HHIP: variants seen among roughly 807,000 people sequenced by gnomAD.
HHIP encodes hedgehog-interacting protein.
Under a neutral mutation model 74.0 loss-of-function variants are expected in HHIP, and 12 were observed. That is an observed-to-expected ratio of 0.16 (90% CI 0.10 to 0.26). HHIP has a LOEUF of 0.26. Ranked by LOEUF, HHIP falls within the 10% of genes least tolerant of loss-of-function variation. The pLI is 1.00. For synonymous variants in HHIP, 309 were observed against 311.6 expected (o/e 0.99, Z 0.09); for missense variants, 788 against 845.0 (o/e 0.93, Z 0.84).
At chr4:144,660,582 A>G (rs185624248) in intron 4 of HHIP, among the ~76,000 whole-genome samples, 5 of 152,066 alleles carry the variant, frequency 3.3e-5, no homozygotes, top group African/African-American at 9.6e-5. Flanking sequence ...TCATTTCTTA[A>G]CTGAAAAAAA....
chr4:144,668,339 G>A (rs184646769), intron 4 of HHIP, among the ~76,000 whole-genome samples: 51 of 151,234 alleles, frequency 3.4e-4, no homozygotes, highest in Non-Finnish European at 5.2e-4. Context: ...AAGCAGATCA[G>A]TAAAATGTGC....
At chr4:144,703,490 A>G (rs1730046656) in intron 4 of HHIP, among the ~76,000 whole-genome samples, 1 of 152,140 alleles carries the variant, frequency 6.6e-6, no homozygotes, top group Non-Finnish European at 1.5e-5. Flanking sequence ...GTAGGATGAG[A>G]AGGGGTTAGA....
At position 144,715,404 on chromosome 4, in the gene HHIP, T is replaced by A. The variant is rs775531071; in HGVS notation, c.1652T>A (p.Ile551Asn). ...TGTAGAGGCTACTTTTCCGGTCACA[T>A]CTTGGGATTTGGAGAAGATGAACTA... ...GSCRGYFSGHILGFGEDELGE... is the reference protein window; with the variant it reads ...GSCRGYFSGHNLGFGEDELGE... The change falls in exon 10 of 13, where the codon ATC becomes AAC. Residue 551 changes from isoleucine to asparagine, a missense_variant. Ile to Asn is a moderately radical substitution (Grantham distance 149). This residue lies in a region of HHIP where 343 missense variants were observed against 347.9 expected (regional missense o/e 0.99). Transcript: ENST00000296575. 23 of 1,613,450 alleles carry A rather than the reference T, an allele frequency of 1.4e-5. No individual in the cohort carries two copies. In the Admixed American group the frequency reaches 3.2e-4, roughly 22 times the overall value.
At chr4:144,672,561 G>A (rs1433035992) in intron 4 of HHIP, among the ~76,000 whole-genome samples, 2 of 152,134 alleles carry the variant, frequency 1.3e-5, no homozygotes, top group Admixed American at 1.3e-4. Context: ...GTTGGTGGGA[G>A]CATGAAGTAT....
rs181914176 is a variant in HHIP at position 144,694,016 on chromosome 4, G to C, written c.832-12515G>C. On this transcript the variant is annotated intron_variant, in intron 4 of 12. Transcript: ENST00000296575. ...TTTTCATATTAAAAATGAATGTTTA[G>C]ATTGTTCATATTGTAGTGTTTTAAT... Among the ~76,000 whole-genome samples, 6 of 151,936 alleles carry C rather than the reference G, an allele frequency of 3.9e-5. No homozygotes were observed. The East Asian group carries it at 1.2e-3, about 29-fold the overall frequency.
intron 4 of HHIP, among the ~76,000 whole-genome samples, chr4:144,676,940 G>A (rs1053277616): frequency 6.6e-6 from 1 of 152,196 alleles, no homozygotes. Flanking sequence ...TATGGGCATT[G>A]CCTTTCATGC....
chr4:144,738,056 T>C lies in HHIP; in HGVS notation c.*99T>C. 7.1e-7 allele frequency: 1 copy of C among 1,398,826 alleles called. No homozygotes were observed. Among genetic ancestry groups the C allele is most frequent in the Non-Finnish European group, 9.3e-7 (1 of 1,077,452 alleles). The allele number at this position is 1,398,826 out of a possible 1,614,324, so 86.7% of individuals were successfully genotyped here. On this transcript the variant is annotated 3_prime_UTR_variant, in exon 13 of 13. Transcript: ENST00000296575. ...TTATCCTGCTACACACTCCTGTGAT[T>C]TCATTCTCTTTTATTAATTTAAAAA... is the stretch of plus-strand genomic sequence containing the variant.
intron 10 of HHIP, among the ~76,000 whole-genome samples, chr4:144,718,086 G>A (rs905191407): frequency 6.6e-6 from 1 of 152,126 alleles, no homozygotes; most frequent in Non-Finnish European, 1.5e-5. Flanking sequence ...TATTGTACAG[G>A]AGGAGGAAAA....
intron 10 of HHIP, among the ~76,000 whole-genome samples, chr4:144,716,891 A>G (rs550349626): frequency 1.4e-5 from 2 of 139,354 alleles, no homozygotes; most frequent in Non-Finnish European, 3.1e-5. Context: ...AAAAAAAAGT[A>G]AAAGAATGGT....
intron 8 of HHIP, among the ~76,000 whole-genome samples, chr4:144,713,261 G>A (rs1316849192): frequency 1.3e-5 from 2 of 152,068 alleles, no homozygotes; most frequent in Non-Finnish European, 2.9e-5. Context: ...CAAAGTGGCA[G>A]AGTCTGGATT....
In HHIP at chr4:144,715,408, G is replaced by A. The variant is rs368640100; in HGVS notation, c.1656G>A (p.Leu552=). Reference sequence around the variant, plus strand: ...GAGGCTACTTTTCCGGTCACATCTTGGGATTTGGAGAAGATGAACTAGGTA... The same window carrying A: ...GAGGCTACTTTTCCGGTCACATCTTAGGATTTGGAGAAGATGAACTAGGTA... The part of the protein sequence containing the change: ...SCRGYFSGHI[L]GFGEDELGEV... Residue 552 remains leucine, a synonymous_variant, in exon 10 of 13, where the codon TTG becomes TTA. Transcript: ENST00000296575. 2.0e-5 allele frequency: 32 copies of A among 1,613,278 alleles called. No homozygotes were observed. The African/African-American group carries it at 3.2e-4, about 16-fold the overall frequency.
chr4:144,701,297 T>G (rs752459034), intron 4 of HHIP, among the ~76,000 whole-genome samples: 1 of 150,398 alleles, frequency 6.6e-6, no homozygotes, highest in Admixed American at 6.7e-5. Flanking sequence ...TTCATGTAAG[T>G]TTTTATGTAA....
At chr4:144,685,893 A>T (rs958865514) in intron 4 of HHIP, among the ~76,000 whole-genome samples, 7 of 152,204 alleles carry the variant, frequency 4.6e-5, no homozygotes, top group Admixed American at 4.6e-4. Context: ...TTAAGCCAGG[A>T]CTTTCCAGTC....
chr4:144,730,076 T>A, intron 11 of HHIP, among the ~76,000 whole-genome samples: 1 of 152,192 alleles, frequency 6.6e-6, no homozygotes, highest in East Asian at 1.9e-4. Flanking sequence ...CTGTTCAGAA[T>A]ACCACTACCC....
rs1343679832 is a variant in HHIP, at chr4:144,742,994, A to ATCT, written c.*5038_*5039insCTT. ...ATGTATATATATATACATTATATATATATAATATATATATATTATATATAT... is the reference window on the plus strand; with the variant it reads ...ATGTATATATATATACATTATATATATCTTATAATATATATATATTATATATAT... On this transcript the variant is annotated 3_prime_UTR_variant, in exon 13 of 13. Coordinates refer to ENST00000296575, the MANE Select transcript of HHIP (RefSeq NM_022475.3). 0.059 allele frequency: 35 copies of ATCT among 590 alleles called. No individual in the cohort carries two copies. The highest frequency in any genetic ancestry group is 0.44 in the South Asian group (16 of 36). 0.0% of individuals were successfully genotyped at this position (590 alleles called of 1,614,324 possible). A position where few individuals can be genotyped will look rare whatever the true frequency, so the allele number is the denominator to read the frequency against.
intron 2 of HHIP, among the ~76,000 whole-genome samples, chr4:144,654,260 T>G (rs148171516): frequency 6.6e-6 from 1 of 152,296 alleles, no homozygotes; most frequent in African/African-American, 2.4e-5. Context: ...GAGCCAGAAC[T>G]GCAAGCACCT....
chr4:144,715,701 C>A (rs1411620996), intron 10 of HHIP: 1 of 224,770 alleles, frequency 4.4e-6, no homozygotes, highest in African/African-American at 2.3e-5. Context: ...ATTTTTTAGT[C>A]CTGAAGAGAT....
intron 4 of HHIP, among the ~76,000 whole-genome samples, chr4:144,660,778 AT>A (rs1470442906): frequency 1.3e-5 from 2 of 152,052 alleles, no homozygotes; most frequent in African/African-American, 4.8e-5. Context: ...TCCAGTCTTT[AT>A]TTTTTACCAT....
chr4:144,734,142 T>C (rs536186996), intron 11 of HHIP, among the ~76,000 whole-genome samples: 35 of 151,792 alleles, frequency 2.3e-4, no homozygotes, highest in Admixed American at 2.2e-3. Flanking sequence ...TTCAACTCAA[T>C]AGTATACACA....
Sources: gnomAD v4.1 joint callset for allele counts (sites outside exome capture counted in the v4.1 genomes callset) on GRCh38, gnomAD v4.1.1 for gene constraint, gnomAD v4.1.1 regional missense constraint, MANE v1.5 for transcripts, NCBI Gene and HGNC (gene_info 2026-07-23, HGNC 2026-07-21) for gene names.